Variants in ADAM12 observed in about 807,000 individuals in gnomAD.
ADAM12 encodes ADAM metallopeptidase domain 12, also known as disintegrin and metalloproteinase domain-containing protein 12.
ADAM12 carries 70 observed loss-of-function variants against 106.4 expected under a neutral mutation model. The ratio of observed to expected loss-of-function variants is 0.66; its 90% CI spans 0.54 to 0.80. ADAM12 has a LOEUF of 0.80. ADAM12 is among the 30% of genes least tolerant of loss of function. The probability of loss-of-function intolerance (pLI) is 0.00; values close to 1 mark genes in which losing one functional copy is unlikely to be tolerated. For synonymous variants in ADAM12, 420 were observed against 433.5 expected, an observed-to-expected ratio of 0.97 and a Z score of 0.39; for missense variants, 1,010 against 1,171.9, an observed-to-expected ratio of 0.86 and a Z score of 2.02.
At chr10:126,121,045 ATATAT>A (rs1287541581) in intron 5 of ADAM12, among the ~76,000 whole-genome samples, 5 of 83,976 alleles carry the variant, frequency 6.0e-5, no homozygotes, top group Non-Finnish European at 1.1e-4. Context: ...ATGCAATATA[ATATAT>A]TATATGCAAT....
At chr10:126,229,318 T>C (rs1046152297) in intron 3 of ADAM12, among the ~76,000 whole-genome samples, 2 of 152,222 alleles carry the variant, frequency 1.3e-5, no homozygotes, top group Non-Finnish European at 2.9e-5. Context: ...ATTCCAATCC[T>C]GTTTGACTCC....
intron 3 of ADAM12, among the ~76,000 whole-genome samples, chr10:126,264,676 G>A (rs1464632484): frequency 1.3e-5 from 2 of 152,260 alleles, no homozygotes; most frequent in South Asian, 2.1e-4. Context: ...CAATTACGGC[G>A]ATTTTCCTTC....
At chr10:126,198,322 T>C (rs1957635687) in intron 3 of ADAM12, among the ~76,000 whole-genome samples, 1 of 152,218 alleles carries the variant, frequency 6.6e-6, no homozygotes, top group South Asian at 2.1e-4. Context: ...TCTGTACCTT[T>C]TTCTGGTCTA....
At chr10:126,257,318 G>A (rs1026494659) in intron 3 of ADAM12, among the ~76,000 whole-genome samples, 3 of 152,204 alleles carry the variant, frequency 2.0e-5, no homozygotes, top group African/African-American at 2.4e-5. Context: ...GCCCTGGAAC[G>A]TGCACATGGT....
Position 126,171,534 on chromosome 10 carries a change from G to A in ADAM12, c.261-16229C>T, listed in dbSNP as rs540553012. Among the ~76,000 whole-genome samples, 95 of 152,324 alleles carry A rather than the reference G, an allele frequency of 6.2e-4. 1 individual carries two copies. Among genetic ancestry groups the A allele is most frequent in the African/African-American group, 2.1e-3 (89 of 41,572 alleles). On this transcript the variant is annotated intron_variant, in intron 3 of 22. Transcript: ENST00000448723. ...AAAAGCTGCTGGCATTAGGCAACAA[G>A]CAATCTTACAGCACTAGGCTAGAGT...
rs141538316 is a variant in ADAM12 at position 126,180,509 on chromosome 10, C to G, written c.261-25204G>C. ...ATTGAAATGTTAAACGAAGACAGTACGAGAAACCTGACTGTAAAAGGTAAG... is the reference window on the plus strand; with the variant it reads ...ATTGAAATGTTAAACGAAGACAGTAGGAGAAACCTGACTGTAAAAGGTAAG... On this transcript the variant is annotated intron_variant, in intron 3 of 22. Coordinates refer to ENST00000448723, the MANE Select transcript of ADAM12 (RefSeq NM_001288973.2). Among the ~76,000 whole-genome samples the G allele has an allele frequency of 3.2e-3, 494 of 152,076 alleles. 1 individual carries two copies. Among genetic ancestry groups the G allele is most frequent in the Non-Finnish European group, 4.8e-3 (327 of 68,000 alleles).
At chr10:126,365,012 G>C (rs1855861722) in intron 1 of ADAM12, among the ~76,000 whole-genome samples, 1 of 152,106 alleles carries the variant, frequency 6.6e-6, no homozygotes. Context: ...TGTCATCCTG[G>C]ATGTGTCTAC....
chr10:126,214,958 G>A (rs375068612), intron 3 of ADAM12, among the ~76,000 whole-genome samples: 117 of 152,298 alleles, frequency 7.7e-4, no homozygotes, highest in African/African-American at 2.1e-3. Flanking sequence ...CCACCTGGGA[G>A]AGTCAGCCCC....
Position 126,016,151 on chromosome 10 carries a change from A to G in ADAM12, c.*1128T>C, listed in dbSNP as rs1404129490. The stretch of plus-strand genomic sequence containing the variant: ...AAGGTTCTTTGTCCAATATCTACGA[A>G]TAATGATAGCAGACATGAACTATAC... On this transcript the variant is annotated 3_prime_UTR_variant, in exon 23 of 23. Transcript: ENST00000448723. 1 of 152,210 alleles carries G rather than the reference A, an allele frequency of 6.6e-6. No individual in the cohort carries two copies. The highest frequency in any genetic ancestry group is 6.5e-5 in the Admixed American group (1 of 15,280). The allele number at this position is 152,210 out of a possible 1,614,324, so 9.4% of individuals were successfully genotyped here. A position where few individuals can be genotyped will look rare whatever the true frequency, so the allele number is the denominator to read the frequency against.
intron 2 of ADAM12, among the ~76,000 whole-genome samples, chr10:126,311,580 G>C (rs1961099196): frequency 6.6e-6 from 1 of 152,108 alleles, no homozygotes; most frequent in Non-Finnish European, 1.5e-5. Context: ...ATTAGAAGCT[G>C]GGAACTTCCA....
chr10:126,198,589 C>T (rs991923440), intron 3 of ADAM12, among the ~76,000 whole-genome samples: 10 of 152,182 alleles, frequency 6.6e-5, no homozygotes, highest in African/African-American at 2.4e-4. Context: ...AGACAGAGAT[C>T]CAGCACCTCC....
intron 8 of ADAM12, among the ~76,000 whole-genome samples, chr10:126,105,885 C>T (rs1046376641): frequency 3.3e-5 from 5 of 152,220 alleles, no homozygotes; most frequent in African/African-American, 1.2e-4. Context: ...GCAGGGGTTG[C>T]CAGGAAGTTT....
intron 9 of ADAM12, among the ~76,000 whole-genome samples, chr10:126,099,190 T>A (rs1955612420): frequency 6.6e-6 from 1 of 152,192 alleles, no homozygotes; most frequent in South Asian, 2.1e-4. Flanking sequence ...TCCAACCTCA[T>A]GCATGAAAAA....
intron 3 of ADAM12, among the ~76,000 whole-genome samples, chr10:126,228,310 A>G (rs537819105): frequency 1.1e-3 from 169 of 152,338 alleles, no homozygotes; most frequent in Non-Finnish European, 1.9e-3. Flanking sequence ...GCATCCTAAG[A>G]TATTTTTTCC....
chr10:126,195,396 G>A (rs1031927397), intron 3 of ADAM12, among the ~76,000 whole-genome samples: 11 of 152,100 alleles, frequency 7.2e-5, no homozygotes, highest in Non-Finnish European at 1.6e-4. Flanking sequence ...CCAACATGGT[G>A]AAACCCCATC....
chr10:126,302,602 T>C (rs1049246540), intron 2 of ADAM12, among the ~76,000 whole-genome samples: 15 of 152,294 alleles, frequency 9.8e-5, no homozygotes, highest in African/African-American at 3.6e-4. Context: ...TCTGAAGAGC[T>C]TGAAGTGATC....
At chr10:126,361,057 C>T (rs1222067349) in intron 1 of ADAM12, among the ~76,000 whole-genome samples, 2 of 152,156 alleles carry the variant, frequency 1.3e-5, no homozygotes, top group Non-Finnish European at 2.9e-5. Context: ...TATTCACTAT[C>T]ACCAGAACAG....
In ADAM12 at chr10:126,388,109, C is replaced by A; in HGVS notation, c.37G>T (p.Ala13Ser). 8.1e-7 allele frequency: 1 copy of A among 1,228,510 alleles called. No individual in the cohort carries two copies. Among genetic ancestry groups the A allele is most frequent in the East Asian group, 3.2e-5 (1 of 30,914 alleles). 76.1% of individuals were successfully genotyped at this position (1,228,510 alleles called of 1,614,324 possible). Residue 13 changes from alanine (A) to serine (S), a missense_variant, in exon 1 of 23, where the codon GCC becomes TCC. Physicochemically the swap from Ala to Ser is moderately conservative, Grantham distance 99. Around this residue, in one of 3 missense-constraint regions of ADAM12, gnomAD observed 391 missense variants for 442.9 expected, o/e 0.88. Coordinates refer to ENST00000448723, the MANE Select transcript of ADAM12 (RefSeq NM_001288973.2). This position sits in a 1 kb window ranked among gnomAD's most constrained non-coding sequence, Gnocchi z 4.4. ...ARPLPVSPAR[A>S]LLLALAGALL... ...GCACCGGCCAGGGCGAGCAGGAGGG[C>A]GCGGGCGGGGGACACGGGCAGCGGG...
chr10:126,167,543 T>C lies in ADAM12; in HGVS notation c.261-12238A>G, dbSNP rs760764271. On this transcript the variant is annotated intron_variant, in intron 3 of 22. Transcript: ENST00000448723. ...AAATCAGGATTCTGTTTGCCTCTAG[T>C]GTGGAGAATAATCACCTTAGTCATT... Among the ~76,000 whole-genome samples the C allele has an allele frequency of 2.0e-5, 3 of 152,228 alleles. 1 individual carries two copies. The highest frequency in any genetic ancestry group is 4.4e-5 in the Non-Finnish European group (3 of 68,040).
Sources: allele counts gnomAD v4.1 joint callset (sites outside exome capture counted in the v4.1 genomes callset), GRCh38; gene constraint gnomAD v4.1.1; regional missense constraint gnomAD v4.1.1; non-coding constraint Gnocchi (gnomAD v3.1); transcripts MANE v1.5; gene names NCBI Gene and HGNC (gene_info 2026-07-23, HGNC 2026-07-21).